FER1L6: variants seen among roughly 807,000 people sequenced by gnomAD.
FER1L6 encodes the protein fer-1-like protein 6.
In FER1L6, 177 loss-of-function variants were observed where a neutral mutation model predicts 219.2. That is an observed-to-expected ratio of 0.81 (90% confidence interval 0.71 to 0.91). FER1L6 has a LOEUF of 0.91. Ranked by LOEUF, FER1L6 falls within the 40% of genes least tolerant of loss-of-function variation. FER1L6 has a pLI of 0.00. For missense variants in FER1L6, 2,153 were observed against 2,259.9 expected (o/e 0.95, Z 0.96); for synonymous variants, 768 against 824.3 (o/e 0.93, Z 1.17).
At position 123,853,725 on chromosome 8, in the gene FER1L6, C is replaced by G. The variant is rs933920777; in HGVS notation, c.-8+1540C>G. Among the ~76,000 whole-genome samples, 1 of 152,176 alleles carries G rather than the reference C, an allele frequency of 6.6e-6. No individual in the cohort carries two copies. Among genetic ancestry groups the G allele is most frequent in the African/African-American group, 2.4e-5 (1 of 41,448 alleles). ...GACATGCTCATGGCTATGATGAAGA[C>G]CTGGAGGAGGAAAAGGCCAGAAAGC... On this transcript the variant is annotated intron_variant, in intron 1 of 40. Coordinates refer to ENST00000522917, the MANE Select transcript of FER1L6 (RefSeq NM_001039112.2). This position sits in a 1 kb window ranked among gnomAD's most constrained non-coding sequence, Gnocchi z 6.6.
chr8:123,951,886 G>A (rs907564644), intron 1 of FER1L6, among the ~76,000 whole-genome samples: 9 of 152,180 alleles, frequency 5.9e-5, no homozygotes, highest in African/African-American at 1.9e-4. Flanking sequence ...GCATGGGCCA[G>A]TACTGGGCAT....
intron 1 of FER1L6, among the ~76,000 whole-genome samples, chr8:123,887,860 A>C (rs1337912930): frequency 6.6e-6 from 1 of 152,214 alleles, no homozygotes; most frequent in Non-Finnish European, 1.5e-5. Context: ...GTCTTTGTGC[A>C]GATCCAGATA....
At chr8:123,864,235 T>C (rs948452835) in intron 1 of FER1L6, among the ~76,000 whole-genome samples, 8 of 150,644 alleles carry the variant, frequency 5.3e-5, no homozygotes, top group African/African-American at 2.0e-4. Flanking sequence ...CCTTCACTTA[T>C]GAAGCTTAGT....
chr8:123,861,297 T>G (rs1180889875), intron 1 of FER1L6, among the ~76,000 whole-genome samples: 1 of 132,682 alleles, frequency 7.5e-6, no homozygotes, highest in Admixed American at 7.6e-5. Context: ...GTTGTAGGTA[T>G]GCGGCGTTAT....
chr8:123,952,058 G>A (rs1001328423), intron 1 of FER1L6, among the ~76,000 whole-genome samples: 1 of 151,256 alleles, frequency 6.6e-6, no homozygotes, highest in African/African-American at 2.4e-5. Flanking sequence ...TGGCTTTGCC[G>A]AGCGGTGGAC....
intron 31 of FER1L6, among the ~76,000 whole-genome samples, chr8:124,072,067 T>C (rs1225724229): frequency 6.6e-6 from 1 of 152,220 alleles, no homozygotes; most frequent in African/African-American, 2.4e-5. Flanking sequence ...AGACATGTTA[T>C]GGCTTTTCTG....
chr8:123,987,507 A>G (rs979734045), intron 12 of FER1L6, among the ~76,000 whole-genome samples: 2 of 152,086 alleles, frequency 1.3e-5, no homozygotes, highest in Non-Finnish European at 2.9e-5. Flanking sequence ...CCTTTGATGT[A>G]CATCAGCTTT....
chr8:124,036,495 A>T (rs997194122), intron 19 of FER1L6, among the ~76,000 whole-genome samples: 1 of 152,234 alleles, frequency 6.6e-6, no homozygotes, highest in Non-Finnish European at 1.5e-5. Flanking sequence ...GAAGAAAATT[A>T]TGTAGCAAAG....
chr8:123,853,437 G>A lies in FER1L6; in HGVS notation c.-8+1252G>A, dbSNP rs1366721014. The stretch of plus-strand genomic sequence containing the variant: ...CCCAAAGTGCTGGGATTATAGGCGT[G>A]AGCCACCGTACCCGGCCTAAAATAG... On this transcript the variant is annotated intron_variant, in intron 1 of 40. Coordinates refer to ENST00000522917, the MANE Select transcript of FER1L6 (RefSeq NM_001039112.2). The surrounding 1 kb of genome is among the most constrained non-coding windows in gnomAD (Gnocchi z 6.6). Among the ~76,000 whole-genome samples, 1 of 152,196 alleles carries A rather than the reference G, an allele frequency of 6.6e-6. No individual in the cohort carries two copies. The highest frequency in any genetic ancestry group is 2.4e-5 in the African/African-American group (1 of 41,446).
chr8:124,110,466 C>A (rs188096311), intron 39 of FER1L6, among the ~76,000 whole-genome samples: 24 of 152,262 alleles, frequency 1.6e-4, no homozygotes, highest in Non-Finnish European at 3.2e-4. Flanking sequence ...GAAGGGACAT[C>A]CAAACTGTCC....
At chr8:123,961,425 C>T (rs1023670401) in intron 2 of FER1L6, among the ~76,000 whole-genome samples, 1 of 152,154 alleles carries the variant, frequency 6.6e-6, no homozygotes, top group African/African-American at 2.4e-5. Flanking sequence ...GCGGCAAGGT[C>T]ATGACTTGAA....
chr8:123,933,191 A>G (rs1024469378), intron 1 of FER1L6, among the ~76,000 whole-genome samples: 2 of 152,196 alleles, frequency 1.3e-5, no homozygotes, highest in African/African-American at 4.8e-5. Flanking sequence ...TCACTAAAGG[A>G]TGTCCCCAAA....
At chr8:123,876,091 C>G (rs957118736) in intron 1 of FER1L6, among the ~76,000 whole-genome samples, 1 of 152,224 alleles carries the variant, frequency 6.6e-6, no homozygotes, top group African/African-American at 2.4e-5. Context: ...TCACACTCTG[C>G]AAGGCCCTCT....
At chr8:124,088,923 G>A (rs958478762) in intron 33 of FER1L6, among the ~76,000 whole-genome samples, 3 of 152,010 alleles carry the variant, frequency 2.0e-5, no homozygotes, top group Non-Finnish European at 2.9e-5. Context: ...GAAGGAAGGA[G>A]TCTGTCCTGG....
chr8:124,070,382 G>C (rs1821017309), intron 29 of FER1L6, 85 bp from the exon 30 acceptor site: 2 of 1,487,376 alleles, frequency 1.3e-6, no homozygotes, highest in African/African-American at 1.4e-5. Context: ...TATCAAGGCT[G>C]GTTTTGGAGA....
intron 19 of FER1L6, among the ~76,000 whole-genome samples, chr8:124,039,180 G>A (rs1586624121): frequency 1.3e-5 from 2 of 152,170 alleles, no homozygotes; most frequent in South Asian, 2.1e-4. Context: ...TGTGATGTGG[G>A]TGCTTGTCTT....
intron 13 of FER1L6, among the ~76,000 whole-genome samples, chr8:124,006,267 T>C (rs1001956947): frequency 1.3e-5 from 2 of 152,004 alleles, no homozygotes; most frequent in African/African-American, 4.8e-5. Context: ...AAGGGAAGGG[T>C]TTAGGAGGAG....
intron 1 of FER1L6, among the ~76,000 whole-genome samples, chr8:123,939,676 T>C (rs4871442): frequency 0.27 from 40,677 of 151,944 alleles, 5,806 homozygotes; most frequent in East Asian, 0.41. Flanking sequence ...GTTTGCTTGC[T>C]GTGCTTAGCC....
At chr8:123,970,923 C>A (rs151128156) in intron 6 of FER1L6, among the ~76,000 whole-genome samples, 3 of 152,172 alleles carry the variant, frequency 2.0e-5, no homozygotes, top group East Asian at 1.9e-4. Context: ...ACCTTACCAG[C>A]GTGACAGATC....
Sources: allele counts gnomAD v4.1 joint callset (sites outside exome capture counted in the v4.1 genomes callset), GRCh38; gene constraint gnomAD v4.1.1; non-coding constraint Gnocchi (gnomAD v3.1); transcripts MANE v1.5; gene names NCBI Gene and HGNC (gene_info 2026-07-23, HGNC 2026-07-21).